Variants in CATSPERE observed in about 807,000 individuals in gnomAD.
The protein encoded by CATSPERE is cation channel sperm-associated auxiliary subunit epsilon.
CATSPERE carries 93 observed loss-of-function variants against 114.1 expected under a neutral mutation model. The ratio of observed to expected loss-of-function variants is 0.81; its 90% CI spans 0.69 to 0.97. The LOEUF (loss-of-function observed/expected upper bound fraction) is 0.97, where lower values mean the gene tolerates loss of function less well. Among genes scored for constraint, CATSPERE ranks in the 50% least tolerant of loss-of-function variants. The pLI is 0.00. For missense variants in CATSPERE, 1,058 were observed against 1,131.6 expected (o/e 0.93, Z 0.93); for synonymous variants, 341 against 384.1 (o/e 0.89, Z 1.31).
rs187044553 is a variant in CATSPERE, at chr1:244,486,467, C to T, written c.327-3980C>T. ...GCCAGGTACAGACCCTTGTAGTCACCTGGTGGGTGGTCCAGCATGTGGGGT... is the reference window on the plus strand; with the variant it reads ...GCCAGGTACAGACCCTTGTAGTCACTTGGTGGGTGGTCCAGCATGTGGGGT... On this transcript the variant is annotated intron_variant, in intron 5 of 21. Transcript: ENST00000366534. Among the ~76,000 whole-genome samples the T allele has an allele frequency of 2.7e-5, 4 of 149,428 alleles. No individual in the cohort carries two copies. In the South Asian group the frequency reaches 8.4e-4, roughly 31 times the overall value.
chr1:244,603,748 G>A (rs1265781760), intron 17 of CATSPERE, among the ~76,000 whole-genome samples: 1 of 151,444 alleles, frequency 6.6e-6, no homozygotes, highest in African/African-American at 2.4e-5. Flanking sequence ...GCTCACACCT[G>A]TAATCCCAGT....
chr1:244,499,829 A>T (rs971710263), intron 7 of CATSPERE, among the ~76,000 whole-genome samples: 1 of 152,024 alleles, frequency 6.6e-6, no homozygotes, highest in African/African-American at 2.4e-5. Flanking sequence ...TTTATATTAG[A>T]ATGATTTATA....
At position 244,633,853 on chromosome 1, in the gene CATSPERE, T is replaced by A. The variant is rs924315785; in HGVS notation, c.2649-1636T>A. 6.6e-6 allele frequency among the ~76,000 whole-genome samples: 1 copy of A among 151,180 alleles called. No individual in the cohort carries two copies. Among genetic ancestry groups the A allele is most frequent in the South Asian group, 2.1e-4 (1 of 4,790 alleles). The stretch of plus-strand genomic sequence containing the variant: ...GCTGTGAAAATTCCTGTGACAGGTG[T>A]CTACATCACTCATTTTTTTTTTTTT... On this transcript the variant is annotated intron_variant, in intron 20 of 21. Coordinates refer to ENST00000366534, the MANE Select transcript of CATSPERE (RefSeq NM_001130957.2). The surrounding 1 kb of genome is among the most constrained non-coding windows in gnomAD (Gnocchi z 4.1).
Position 244,568,574 on chromosome 1 carries a change from A to G in CATSPERE, c.1508-3756A>G, listed in dbSNP as rs547133413. Reference sequence around the variant, plus strand: ...AGGAATCTAGAGAGGCAGTCTGGCTATGGCAGCTGTGCCGAGCTGTGGTGG... The same window carrying G: ...AGGAATCTAGAGAGGCAGTCTGGCTGTGGCAGCTGTGCCGAGCTGTGGTGG... On this transcript the variant is annotated intron_variant, in intron 10 of 21. Transcript: ENST00000366534. The surrounding 1 kb of genome is among the most constrained non-coding windows in gnomAD (Gnocchi z 4.4). Among the ~76,000 whole-genome samples, 1 of 152,330 alleles carries G rather than the reference A, an allele frequency of 6.6e-6. No homozygotes were observed. The highest frequency in any genetic ancestry group is 1.5e-5 in the Non-Finnish European group (1 of 68,028).
At chr1:244,530,967 C>T (rs9988458) in intron 8 of CATSPERE, among the ~76,000 whole-genome samples, 18,460 of 151,924 alleles carry the variant, frequency 0.12, 1,878 homozygotes, top group African/African-American at 0.28. Flanking sequence ...CAGTGGCTCA[C>T]GCCTGTAATC....
At chr1:244,602,711 C>G (rs1463635982) in intron 17 of CATSPERE, among the ~76,000 whole-genome samples, 1 of 152,106 alleles carries the variant, frequency 6.6e-6, no homozygotes, top group Admixed American at 6.5e-5. Context: ...AGAAGCAGCC[C>G]TAGAGGAAAC....
At chr1:244,516,058 G>T (rs1366567260) in intron 7 of CATSPERE, among the ~76,000 whole-genome samples, 2 of 151,668 alleles carry the variant, frequency 1.3e-5, no homozygotes, top group Non-Finnish European at 2.9e-5. Flanking sequence ...GCTGGGCGTG[G>T]TGGCACACAC....
intron 12 of CATSPERE, among the ~76,000 whole-genome samples, chr1:244,582,945 A>AAAAATCAG (rs1666427781): frequency 3.8e-4 from 2 of 5,310 alleles, no homozygotes; most frequent in African/African-American, 7.0e-4. Context: ...ATATATATAT[A>AAAAATCAG]TATATATATA....
chr1:244,603,322 G>A (rs55804811), intron 17 of CATSPERE, among the ~76,000 whole-genome samples: 26,434 of 152,038 alleles, frequency 0.17, 2,400 homozygotes, highest in South Asian at 0.2. Context: ...TTGTCTAATA[G>A]GTTTGCAGGT....
intron 5 of CATSPERE, 80 bp from the exon 6 acceptor site, chr1:244,490,366 AC>A: frequency 1.1e-6 from 1 of 929,956 alleles, no homozygotes; most frequent in Non-Finnish European, 1.7e-6. Flanking sequence ...AGGTTTAGAA[AC>A]ATGTATCTTG....
upstream of CATSPERE, among the ~76,000 whole-genome samples, chr1:244,452,522 G>A (rs935557733): frequency 2.6e-5 from 4 of 152,164 alleles, no homozygotes; most frequent in African/African-American, 9.7e-5. Flanking sequence ...TAAGATAAAG[G>A]ACATGAGACC....
intron 5 of CATSPERE, among the ~76,000 whole-genome samples, chr1:244,483,260 C>G (rs957309710): frequency 1.3e-5 from 2 of 152,102 alleles, no homozygotes; most frequent in African/African-American, 4.8e-5. Context: ...TAAGAAGATT[C>G]TATAGTAATT....
At chr1:244,632,504 T>C (rs999196510) in intron 20 of CATSPERE, among the ~76,000 whole-genome samples, 2 of 147,836 alleles carry the variant, frequency 1.4e-5, no homozygotes, top group Admixed American at 6.7e-5. Context: ...AGGATGGGAG[T>C]AAGGATTAGA....
At chr1:244,465,535 A>G (rs1220510728) in intron 2 of CATSPERE, among the ~76,000 whole-genome samples, 2 of 152,070 alleles carry the variant, frequency 1.3e-5, no homozygotes, top group African/African-American at 4.8e-5. Flanking sequence ...CTGTTCCCCT[A>G]TTACCTTTCT....
At position 244,461,460 on chromosome 1, in the gene CATSPERE, C is replaced by A; in HGVS notation, c.31C>A (p.Leu11Met). ...AGCCCGGGAAGTGGCCGTGCTGCTGCTGTGGCTGAGCTGCTATGGCTCCGC... is the reference window on the plus strand; with the variant it reads ...AGCCCGGGAAGTGGCCGTGCTGCTGATGTGGCTGAGCTGCTATGGCTCCGC... MSAREVAVLL[L>M]WLSCYGSALW... is the part of the protein sequence containing the mutation. Residue 11 changes from leucine to methionine, a missense_variant, in exon 1 of 22, where the codon CTG becomes ATG. Coordinates refer to ENST00000366534, the MANE Select transcript of CATSPERE (RefSeq NM_001130957.2). 7.3e-7 allele frequency: 1 copy of A among 1,372,810 alleles called. No individual in the cohort carries two copies. The allele number at this position is 1,372,810 out of a possible 1,614,324, so 85.0% of individuals were successfully genotyped here. A position where few individuals can be genotyped will look rare whatever the true frequency, so the allele number is the denominator to read the frequency against.
At chr1:244,529,880 T>G (rs1679314030) in intron 8 of CATSPERE, among the ~76,000 whole-genome samples, 1 of 152,120 alleles carries the variant, frequency 6.6e-6, no homozygotes, top group Admixed American at 6.6e-5. Flanking sequence ...ATTCACTTGT[T>G]TTTTGTATAT....
At chr1:244,624,792 A>G (rs1278308945) in intron 20 of CATSPERE, among the ~76,000 whole-genome samples, 2 of 151,858 alleles carry the variant, frequency 1.3e-5, no homozygotes, top group Non-Finnish European at 2.9e-5. Context: ...ACAGAGCGAG[A>G]GTCCATCAAA....
At chr1:244,514,396 G>C (rs1676244671) in intron 7 of CATSPERE, among the ~76,000 whole-genome samples, 2 of 152,114 alleles carry the variant, frequency 1.3e-5, no homozygotes, top group South Asian at 4.1e-4. Flanking sequence ...AGGATATGTG[G>C]GCAGCTGTGA....
upstream of CATSPERE, chr1:244,451,545 C>T: frequency 7.1e-7 from 1 of 1,399,004 alleles, no homozygotes; most frequent in South Asian, 1.4e-5. The surrounding 1 kb of genome is among the most constrained non-coding windows in gnomAD (Gnocchi z 6.6). Flanking sequence ...GCCAGTGGAT[C>T]CGGGTTCTGG....
Sources: allele counts gnomAD v4.1 joint callset (sites outside exome capture counted in the v4.1 genomes callset), GRCh38; gene constraint gnomAD v4.1.1; non-coding constraint Gnocchi (gnomAD v3.1); transcripts MANE v1.5; gene names NCBI Gene and HGNC (gene_info 2026-07-23, HGNC 2026-07-21).